Variants in CAST observed in about 807,000 individuals in gnomAD.
The protein encoded by CAST is MIR583 host.
CAST carries 76 observed loss-of-function variants against 119.6 expected under a neutral mutation model. That is an observed-to-expected ratio of 0.64 (90% confidence interval 0.53 to 0.77). CAST has a LOEUF of 0.77. CAST is among the 30% of genes least tolerant of loss of function. The probability of loss-of-function intolerance (pLI) is 0.00; values close to 1 mark genes in which losing one functional copy is unlikely to be tolerated. For synonymous variants in CAST, 319 were observed against 331.6 expected (o/e 0.96, Z 0.41); for missense variants, 953 against 946.5 (o/e 1.01, Z -0.09).
At chr5:96,415,272 A>G in the CAST span, among the ~76,000 whole-genome samples, 3 of 152,306 alleles carry the variant, frequency 2.0e-5, no homozygotes, top group South Asian at 6.2e-4. Context: ...GAGGAGAATG[A>G]GGTGCCTATA....
At chr5:96,257,848 C>T in the CAST span, among the ~76,000 whole-genome samples, 10 of 152,322 alleles carry the variant, frequency 6.6e-5, no homozygotes, top group South Asian at 6.2e-4. Context: ...AACACAGCGG[C>T]GCACAAGGCG....
chr5:96,203,425 A>C, the CAST span, among the ~76,000 whole-genome samples: 1 of 152,032 alleles, frequency 6.6e-6, no homozygotes, highest in Admixed American at 6.6e-5. Context: ...ATACAGGGTT[A>C]CAAAGGACAC....
chr5:96,323,430 A>G, the CAST span, among the ~76,000 whole-genome samples: 1 of 152,210 alleles, frequency 6.6e-6, no homozygotes, highest in Non-Finnish European at 1.5e-5. Flanking sequence ...TTTTGTCAAT[A>G]GTTGTAGCTA....
Position 96,534,746 on chromosome 5 carries a change from A to AGAAAGAG in CAST, c.60+4866_60+4867insGAAAGAG, listed in dbSNP as rs1491295019. Reference sequence around the variant, plus strand: ...GAGAGAGAGAGAGAGAGAGAGAAAGAAAGAAAGAAAGAAAGAAAGAAAGAA... The same window carrying AGAAAGAG: ...GAGAGAGAGAGAGAGAGAGAGAAAGAGAAAGAGAAGAAAGAAAGAAAGAAAGAAAGAA... On this transcript the variant is annotated intron_variant, in intron 1 of 11. Transcript: ENST00000505143. Among the ~76,000 whole-genome samples the AGAAAGAG allele has an allele frequency of 4.8e-3, 88 of 18,364 alleles. 14 individuals are homozygous for AGAAAGAG. Among genetic ancestry groups the AGAAAGAG allele is most frequent in the Middle Eastern group, 0.042 (2 of 48 alleles). The allele number at this position is 18,364 out of a possible 152,430, so 12.0% of individuals were successfully genotyped here. A position where few individuals can be genotyped will look rare whatever the true frequency, so the allele number is the denominator to read the frequency against.
chr5:96,506,708 C>G, the CAST span, among the ~76,000 whole-genome samples: 1 of 152,082 alleles, frequency 6.6e-6, no homozygotes, highest in South Asian at 2.1e-4. Context: ...CAGTGGCACC[C>G]GAGAAAGTCT....
the CAST span, among the ~76,000 whole-genome samples, chr5:96,007,586 G>A: frequency 2.0e-5 from 3 of 152,186 alleles, no homozygotes; most frequent in East Asian, 1.9e-4. Flanking sequence ...CTCTCGTGAC[G>A]CGATGAAATT....
Position 96,774,638 on chromosome 5 carries a change from A to AATC in CAST, c.*2024_*2026dup. The AATC allele has an allele frequency of 1.0e-6, 1 of 985,272 alleles. No individual in the cohort carries two copies. The highest frequency in any genetic ancestry group is 1.2e-6 in the Non-Finnish European group (1 of 829,656). 61.0% of individuals were successfully genotyped at this position (985,272 alleles called of 1,614,324 possible). On this transcript the variant is annotated 3_prime_UTR_variant, in exon 32 of 32. Coordinates refer to ENST00000675179, the MANE Select transcript of CAST (RefSeq NM_001750.7). ...AAAATCAATATTTCCATGTTTCATT[A>AATC]ATCAAGGCATAAAATACAATTAAAG...
chr5:96,183,190 T>TAATAATA, the CAST span, among the ~76,000 whole-genome samples: 1 of 143,750 alleles, frequency 7.0e-6, no homozygotes, highest in African/African-American at 2.5e-5. Context: ...ATAATAATAA[T>TAATAATA]AATAATACAA....
the CAST span, among the ~76,000 whole-genome samples, chr5:96,142,658 C>A: frequency 3.3e-5 from 5 of 152,130 alleles, no homozygotes; most frequent in African/African-American, 4.8e-5. Flanking sequence ...CCCAAGTGAA[C>A]TTTCAACAAT....
the CAST span, among the ~76,000 whole-genome samples, chr5:96,222,384 A>G: frequency 1.3e-5 from 2 of 152,128 alleles, no homozygotes; most frequent in Non-Finnish European, 1.5e-5. Context: ...AATATCCAAA[A>G]TATACAAAGA....
At chr5:96,421,970 A>G in the CAST span, 1 of 1,255,396 alleles carries the variant, frequency 8.0e-7, no homozygotes, top group Non-Finnish European at 1.2e-6. Context: ...AAGAGACAAC[A>G]AAATATAACA....
At chr5:96,155,530 C>G in the CAST span, among the ~76,000 whole-genome samples, 1 of 152,194 alleles carries the variant, frequency 6.6e-6, no homozygotes, top group Non-Finnish European at 1.5e-5. Context: ...CATGGAAACT[C>G]TTACATTGGT....
At chr5:96,616,793 C>CACACATAT (rs1554070993) in intron 1 of CAST, among the ~76,000 whole-genome samples, 6 of 140,944 alleles carry the variant, frequency 4.3e-5, no homozygotes, top group African/African-American at 1.1e-4. Context: ...CACACACACA[C>CACACATAT]ACATATACAT....
the CAST span, among the ~76,000 whole-genome samples, chr5:95,972,612 C>A: frequency 2.6e-5 from 4 of 152,066 alleles, no homozygotes; most frequent in South Asian, 8.3e-4. Context: ...TTTATATAAT[C>A]TAGATACATG....
At chr5:96,031,086 A>G in the CAST span, among the ~76,000 whole-genome samples, 4 of 152,094 alleles carry the variant, frequency 2.6e-5, no homozygotes, top group Non-Finnish European at 5.9e-5. Context: ...ATGAAAACTT[A>G]CGTATCATGT....
intron 30 of CAST, 61 bp from the exon 31 acceptor site, chr5:96,771,583 C>A (rs1772338418): frequency 8.0e-7 from 1 of 1,243,186 alleles, no homozygotes; most frequent in Admixed American, 1.9e-5. Context: ...TCTGAGAAGG[C>A]CATCTCCTCA....
chr5:96,181,539 A>G, the CAST span, among the ~76,000 whole-genome samples: 1 of 152,346 alleles, frequency 6.6e-6, no homozygotes, highest in East Asian at 1.9e-4. Flanking sequence ...TCCATTGCGT[A>G]GCTGTGACTC....
chr5:96,513,238 A>AT, the CAST span, among the ~76,000 whole-genome samples: 1 of 152,260 alleles, frequency 6.6e-6, no homozygotes, highest in African/African-American at 2.4e-5. Flanking sequence ...TAGCTTCTGT[A>AT]TTCATGAGCA....
chr5:96,516,590 G>A, the CAST span, among the ~76,000 whole-genome samples: 1 of 152,136 alleles, frequency 6.6e-6, no homozygotes, highest in Non-Finnish European at 1.5e-5. Flanking sequence ...ATGACACAAT[G>A]TTTTTAAAGA....
Sources: allele counts gnomAD v4.1 joint callset (sites outside exome capture counted in the v4.1 genomes callset), GRCh38; gene constraint gnomAD v4.1.1; transcripts MANE v1.5; gene names NCBI Gene and HGNC (gene_info 2026-07-23, HGNC 2026-07-21).